EPHB1: variants seen among roughly 807,000 people sequenced by gnomAD.
The protein encoded by EPHB1 is EPH receptor B1.
Under a neutral mutation model 94.4 loss-of-function variants are expected in EPHB1, and 30 were observed. The ratio of observed to expected loss-of-function variants is 0.32; its 90% CI spans 0.24 to 0.43. EPHB1 has a LOEUF of 0.43. Among genes scored for constraint, EPHB1 ranks in the 20% least tolerant of loss-of-function variants. EPHB1 has a pLI of 1.00. For synonymous variants in EPHB1, 522 were observed against 489.1 expected, an observed-to-expected ratio of 1.07 and a Z score of -0.89; for missense variants, 1,055 against 1,308.3, an observed-to-expected ratio of 0.81 and a Z score of 2.99.
chr3:135,154,333 A>G, intron 6 of EPHB1, 57 bp downstream of exon 6: 5 of 1,607,480 alleles, frequency 3.1e-6, no homozygotes, highest in Non-Finnish European at 1.7e-6. Flanking sequence ...TGTTCCATGG[A>G]TGGTTGCTAG....
chr3:135,109,477 C>T (rs1372903297), intron 4 of EPHB1, among the ~76,000 whole-genome samples: 1 of 152,172 alleles, frequency 6.6e-6, no homozygotes, highest in Non-Finnish European at 1.5e-5. Context: ...AACTCTCAAT[C>T]GATGTTAGAA....
chr3:135,039,274 A>C (rs939657004), intron 3 of EPHB1, among the ~76,000 whole-genome samples: 4 of 152,162 alleles, frequency 2.6e-5, no homozygotes, highest in African/African-American at 9.7e-5. Flanking sequence ...TGAGCTAAAC[A>C]CAGGGTGCTG....
At position 134,795,507 on chromosome 3, in the gene EPHB1, C is replaced by G; in HGVS notation, c.-125C>G. 1.1e-6 allele frequency: 1 copy of G among 926,840 alleles called. No homozygotes were observed. The highest frequency in any genetic ancestry group is 1.6e-6 in the Non-Finnish European group (1 of 626,158). 57.4% of individuals were successfully genotyped at this position (926,840 alleles called of 1,614,324 possible). A position where few individuals can be genotyped will look rare whatever the true frequency, so the allele number is the denominator to read the frequency against. ...CACGCAGCGCTCCGGGAAGTCCGGT[C>G]CGGGCGAGAGCGCGAAAGGATACCG... On this transcript the variant is annotated 5_prime_UTR_variant, in exon 1 of 16. Transcript: ENST00000398015.
intron 15 of EPHB1, among the ~76,000 whole-genome samples, chr3:135,255,735 T>C (rs1441336841): frequency 8.6e-5 from 13 of 150,828 alleles, no homozygotes; most frequent in African/African-American, 2.4e-4. Context: ...CTATTAGGTC[T>C]GCTTGGTGCA....
chr3:135,090,949 C>T (rs946671776), intron 3 of EPHB1, among the ~76,000 whole-genome samples: 4 of 152,216 alleles, frequency 2.6e-5, no homozygotes, highest in Non-Finnish European at 5.9e-5. Context: ...GAGCCCATTT[C>T]TACTCCTGGG....
chr3:134,971,529 A>C (rs1933969272), intron 3 of EPHB1, among the ~76,000 whole-genome samples: 1 of 152,194 alleles, frequency 6.6e-6, no homozygotes, highest in African/African-American at 2.4e-5. Flanking sequence ...CTTAATGTGA[A>C]TGTTTATTTG....
intron 9 of EPHB1, among the ~76,000 whole-genome samples, chr3:135,169,704 T>TGGG (rs1338452585): frequency 1.3e-5 from 2 of 152,178 alleles, no homozygotes; most frequent in African/African-American, 4.8e-5. Context: ...GGGAACTCCC[T>TGGG]ACATTGGGAG....
At chr3:135,064,621 CA>C (rs901671614) in intron 3 of EPHB1, among the ~76,000 whole-genome samples, 4 of 152,050 alleles carry the variant, frequency 2.6e-5, no homozygotes, top group Non-Finnish European at 2.9e-5. Flanking sequence ...AATGGTCTAT[CA>C]ATTTTATTTA....
At chr3:135,077,488 T>A (rs190833956) in intron 3 of EPHB1, among the ~76,000 whole-genome samples, 115 of 152,348 alleles carry the variant, frequency 7.5e-4, no homozygotes, top group Non-Finnish European at 1.2e-3. Context: ...GGTCCTCTGA[T>A]GAGCATGCCC....
At chr3:134,931,668 C>T (rs2038905443) in intron 2 of EPHB1, among the ~76,000 whole-genome samples, 1 of 152,138 alleles carries the variant, frequency 6.6e-6, no homozygotes, top group East Asian at 1.9e-4. Flanking sequence ...CCTCATGAAC[C>T]TTCAGGATGA....
chr3:135,169,288 A>T (rs1941739979), intron 9 of EPHB1, among the ~76,000 whole-genome samples: 1 of 152,176 alleles, frequency 6.6e-6, no homozygotes, highest in Non-Finnish European at 1.5e-5. Context: ...CCAGCTACAT[A>T]GTCGCCATTC....
At chr3:134,924,589 A>G (rs1302735513) in intron 1 of EPHB1, among the ~76,000 whole-genome samples, 2 of 152,214 alleles carry the variant, frequency 1.3e-5, no homozygotes, top group Non-Finnish European at 2.9e-5. Flanking sequence ...TGACCATGCC[A>G]AGTGTCAATG....
At chr3:135,129,747 C>G (rs77594451) in intron 4 of EPHB1, among the ~76,000 whole-genome samples, 3,066 of 152,256 alleles carry the variant, frequency 0.02, 93 homozygotes, top group African/African-American at 0.071. Flanking sequence ...ACTGCTGGGC[C>G]TCAGGGAAGG....
chr3:135,179,573 C>A (rs1942095444), intron 9 of EPHB1, among the ~76,000 whole-genome samples: 1 of 152,208 alleles, frequency 6.6e-6, no homozygotes, highest in South Asian at 2.1e-4. Flanking sequence ...GGTGTGGGAA[C>A]TGGTCCCGAT....
At chr3:135,080,072 G>A (rs1938108993) in intron 3 of EPHB1, among the ~76,000 whole-genome samples, 1 of 152,178 alleles carries the variant, frequency 6.6e-6, no homozygotes. Flanking sequence ...ATGGGCTAAT[G>A]TTCCACACTT....
intron 12 of EPHB1, among the ~76,000 whole-genome samples, chr3:135,237,866 G>C (rs762400897): frequency 1.2e-4 from 18 of 152,178 alleles, no homozygotes; most frequent in Admixed American, 3.3e-4. Flanking sequence ...TGTTGGCCCT[G>C]GTGTCTGGTC....
chr3:135,093,069 A>G (rs17765007), intron 3 of EPHB1, among the ~76,000 whole-genome samples: 10,372 of 152,266 alleles, frequency 0.068, 411 homozygotes, highest in African/African-American at 0.1. Flanking sequence ...TTCTTACCCA[A>G]TATAAAGGCA....
Position 135,155,580 on chromosome 3 carries a change from G to A in EPHB1, c.1422+1304G>A, listed in dbSNP as rs559542589. On this transcript the variant is annotated intron_variant, in intron 6 of 15. Transcript: ENST00000398015. ...GCACGTTGGGAGGCTGAGGCAGGCA[G>A]ATCAGTGGCGCTCAGGAGTTCAAGA... Among the ~76,000 whole-genome samples the A allele has an allele frequency of 5.3e-5, 8 of 152,090 alleles. No homozygotes were observed. The East Asian group carries it at 1.5e-3, about 29-fold the overall frequency.
chr3:134,917,469 G>A (rs2038598975), intron 1 of EPHB1, among the ~76,000 whole-genome samples: 1 of 152,226 alleles, frequency 6.6e-6, no homozygotes. Context: ...TGTGAACCAA[G>A]ACCTAATCTA....
Sources: allele counts gnomAD v4.1 joint callset (sites outside exome capture counted in the v4.1 genomes callset), GRCh38; gene constraint gnomAD v4.1.1; transcripts MANE v1.5; gene names NCBI Gene and HGNC (gene_info 2026-07-23, HGNC 2026-07-21).